The following PPARA variants were observed in gnomAD, a reference collection of about 807,000 sequenced individuals.
PPARA encodes peroxisome proliferator activated receptor alpha, also known as peroxisome proliferator-activated receptor alpha.
Under a neutral mutation model 42.2 loss-of-function variants are expected in PPARA, and 22 were observed. The ratio of observed to expected loss-of-function variants is 0.52; its 90% CI spans 0.37 to 0.74. PPARA has a LOEUF of 0.74. Ranked by LOEUF, PPARA falls within the 30% of genes least tolerant of loss-of-function variation. The pLI is 0.00. For missense variants in PPARA, 465 were observed against 608.2 expected, an observed-to-expected ratio of 0.76 and a Z score of 2.48; for synonymous variants, 242 against 239.3, an observed-to-expected ratio of 1.01 and a Z score of -0.10.
chr22:46,197,017 G>C (rs1317224184), intron 3 of PPARA, among the ~76,000 whole-genome samples: 1 of 151,694 alleles, frequency 6.6e-6, no homozygotes, highest in Non-Finnish European at 1.5e-5. Flanking sequence ...CACTGCACCC[G>C]ACCCTGTTTT....
chr22:46,184,650 T>A lies in PPARA; in HGVS notation c.-43+7814T>A, dbSNP rs192398762. Reference sequence around the variant, plus strand: ...GGCCGAGATTACCTGAGGTCGGAAGTTCAAGACCAGCCTGGCCAATATGGC... The same window carrying A: ...GGCCGAGATTACCTGAGGTCGGAAGATCAAGACCAGCCTGGCCAATATGGC... On this transcript the variant is annotated intron_variant, in intron 3 of 8. Coordinates refer to ENST00000407236, the MANE Select transcript of PPARA (RefSeq NM_005036.6). The surrounding 1 kb of genome is among the most constrained non-coding windows in gnomAD (Gnocchi z 4.4). Among the ~76,000 whole-genome samples, 3 of 152,196 alleles carry A rather than the reference T, an allele frequency of 2.0e-5. No individual in the cohort carries two copies. The highest frequency in any genetic ancestry group is 4.4e-5 in the Non-Finnish European group (3 of 68,000).
At chr22:46,155,429 C>T (rs1186790802) in intron 2 of PPARA, 2 of 152,362 alleles carry the variant, frequency 1.3e-5, no homozygotes, top group African/African-American at 2.4e-5. Flanking sequence ...ATTCTCCTGC[C>T]TCAGTCTCCC....
intron 2 of PPARA, among the ~76,000 whole-genome samples, chr22:46,159,671 G>A (rs1330581552): frequency 2.0e-5 from 3 of 152,178 alleles, no homozygotes; most frequent in East Asian, 3.8e-4. Flanking sequence ...ATTCAGCAAG[G>A]TGTTCTGAAA....
chr22:46,227,087 G>A lies in PPARA; in HGVS notation c.712-4705G>A, dbSNP rs551851613. ...ACCATGTCTTGGGGTGTTGCCTGCC[G>A]TGTGACAGTCCAATATTATACCTAC... On this transcript the variant is annotated intron_variant, in intron 7 of 8. Coordinates refer to ENST00000407236, the MANE Select transcript of PPARA (RefSeq NM_005036.6). This position sits in a 1 kb window ranked among gnomAD's most constrained non-coding sequence, Gnocchi z 4.3. Among the ~76,000 whole-genome samples the A allele has an allele frequency of 4.8e-5, 7 of 144,896 alleles. No individual in the cohort carries two copies. The highest frequency in any genetic ancestry group is 2.0e-4 in the Admixed American group (3 of 14,752).
intron 3 of PPARA, among the ~76,000 whole-genome samples, chr22:46,189,451 T>C (rs1931244186): frequency 6.6e-6 from 1 of 152,232 alleles, no homozygotes; most frequent in Non-Finnish European, 1.5e-5. Flanking sequence ...TTCTTTTGAT[T>C]ACAAAATTTT....
Position 46,233,573 on chromosome 22 carries a change from C to T in PPARA, c.1159+1334C>T, listed in dbSNP as rs1232009208. Among the ~76,000 whole-genome samples, 1 of 152,192 alleles carries T rather than the reference C, an allele frequency of 6.6e-6. No homozygotes were observed. The highest frequency in any genetic ancestry group is 2.4e-5 in the African/African-American group (1 of 41,454). On this transcript the variant is annotated intron_variant, in intron 8 of 8. Coordinates refer to ENST00000407236, the MANE Select transcript of PPARA (RefSeq NM_005036.6). The surrounding 1 kb of genome is among the most constrained non-coding windows in gnomAD (Gnocchi z 7.3). ...ACAAGTCAGATGAAGGAAGTCCTTG[C>T]GCTCTGGCATAAAGTGTACAAAGAC... is the stretch of plus-strand genomic sequence containing the variant.
At chr22:46,214,421 C>G (rs1030159162) in intron 4 of PPARA, among the ~76,000 whole-genome samples, 1 of 149,332 alleles carries the variant, frequency 6.7e-6, no homozygotes, top group Non-Finnish European at 1.5e-5. Context: ...ATGTGCGGAT[C>G]GGAGATGTGG....
At chr22:46,185,852 G>A (rs1388345667) in intron 3 of PPARA, among the ~76,000 whole-genome samples, 2 of 123,434 alleles carry the variant, frequency 1.6e-5, no homozygotes, top group Non-Finnish European at 3.2e-5. Context: ...CCAAGATCAC[G>A]CCACTACACT....
chr22:46,163,029 C>T lies in PPARA; in HGVS notation c.-127+11059C>T, dbSNP rs1926449535. 6.6e-6 allele frequency among the ~76,000 whole-genome samples: 1 copy of T among 152,204 alleles called. No individual in the cohort carries two copies. The highest frequency in any genetic ancestry group is 2.1e-4 in the South Asian group (1 of 4,826). On this transcript the variant is annotated intron_variant, in intron 2 of 8. Transcript: ENST00000407236. The surrounding 1 kb of genome is among the most constrained non-coding windows in gnomAD (Gnocchi z 4.9). ...CACTACCAACCACTGCATCGCATAA[C>T]TGGCAGACTCCCAGCTTCAAGGAGA...
chr22:46,201,641 A>G (rs984081599), intron 4 of PPARA, among the ~76,000 whole-genome samples: 1 of 152,080 alleles, frequency 6.6e-6, no homozygotes, highest in African/African-American at 2.4e-5. Flanking sequence ...CACACACCTC[A>G]CACCTCGGCT....
At chr22:46,153,112 A>T (rs1022623353) in intron 2 of PPARA, among the ~76,000 whole-genome samples, 1 of 151,556 alleles carries the variant, frequency 6.6e-6, no homozygotes, top group African/African-American at 2.4e-5. Flanking sequence ...AATAAAATTA[A>T]TTAACTAATT....
At chr22:46,155,489 A>G (rs777051446) in intron 2 of PPARA, 1 of 151,928 alleles carries the variant, frequency 6.6e-6, no homozygotes. Context: ...TATTTTTTGT[A>G]TTTTTAGTAG....
chr22:46,232,852 T>C lies in PPARA; in HGVS notation c.1159+613T>C, dbSNP rs1935971648. ...AAAAAATTAGTCAAGTATGGTGGCATGTACCTGTAGTCCCAGCTACTTGAG... is the reference window on the plus strand; with the variant it reads ...AAAAAATTAGTCAAGTATGGTGGCACGTACCTGTAGTCCCAGCTACTTGAG... On this transcript the variant is annotated intron_variant, in intron 8 of 8. Transcript: ENST00000407236. This position sits in a 1 kb window ranked among gnomAD's most constrained non-coding sequence, Gnocchi z 5.3. Among the ~76,000 whole-genome samples, 9 of 150,824 alleles carry C rather than the reference T, an allele frequency of 6.0e-5. 1 individual carries two copies. In the South Asian group the frequency reaches 1.9e-3, roughly 32 times the overall value.
At chr22:46,194,762 CG>C (rs1427868607) in intron 3 of PPARA, among the ~76,000 whole-genome samples, 1 of 151,282 alleles carries the variant, frequency 6.6e-6, no homozygotes, top group Non-Finnish European at 1.5e-5. Flanking sequence ...TTAGTAGAGA[CG>C]GGGTTTCACC....
rs1186468867 is a variant in PPARA at position 46,227,746 on chromosome 22, T to C, written c.712-4046T>C. On this transcript the variant is annotated intron_variant, in intron 7 of 8. Coordinates refer to ENST00000407236, the MANE Select transcript of PPARA (RefSeq NM_005036.6). The surrounding 1 kb of genome is among the most constrained non-coding windows in gnomAD (Gnocchi z 4.3). ...TGCCTCACGCTGTTTAAAACCTTTA[T>C]AATGTGCTTTATTTCATTTATTTGA... is the stretch of plus-strand genomic sequence containing the variant. Among the ~76,000 whole-genome samples the C allele has an allele frequency of 6.6e-6, 1 of 152,228 alleles. No individual in the cohort carries two copies. Among genetic ancestry groups the C allele is most frequent in the Non-Finnish European group, 1.5e-5 (1 of 68,044 alleles).
In PPARA at chr22:46,231,124, T is replaced by C. The variant is rs189792069; in HGVS notation, c.712-668T>C. On this transcript the variant is annotated intron_variant, in intron 7 of 8. Coordinates refer to ENST00000407236, the MANE Select transcript of PPARA (RefSeq NM_005036.6). The surrounding 1 kb of genome is among the most constrained non-coding windows in gnomAD (Gnocchi z 7.7). Reference sequence around the variant, plus strand: ...GAGACTGGAGTGCAGTGGCACGATCTTGGCTCACTGCAACGTCCACCTCCC... The same window carrying C: ...GAGACTGGAGTGCAGTGGCACGATCCTGGCTCACTGCAACGTCCACCTCCC... 6.6e-6 allele frequency among the ~76,000 whole-genome samples: 1 copy of C among 152,300 alleles called. No individual in the cohort carries two copies. Among genetic ancestry groups the C allele is most frequent in the East Asian group, 1.9e-4 (1 of 5,186 alleles).
rs1913397661 is a variant in PPARA at position 46,235,074 on chromosome 22, G to C, written c.1160-59G>C. Reference sequence around the variant, plus strand: ...ATAGGCATGTTTGGTTCCTGAAACTGATAAGCAGTTCTTGGGTGATTATCA... The same window carrying C: ...ATAGGCATGTTTGGTTCCTGAAACTCATAAGCAGTTCTTGGGTGATTATCA... On this transcript the variant is annotated intron_variant, in intron 8 of 8. Coordinates refer to ENST00000407236, the MANE Select transcript of PPARA (RefSeq NM_005036.6). The surrounding 1 kb of genome is among the most constrained non-coding windows in gnomAD (Gnocchi z 7.0). 1 of 1,610,288 alleles carries C rather than the reference G, an allele frequency of 6.2e-7. No individual in the cohort carries two copies. The highest frequency in any genetic ancestry group is 1.3e-5 in the African/African-American group (1 of 74,814).
intron 3 of PPARA, among the ~76,000 whole-genome samples, 163 bp downstream of exon 3, chr22:46,176,999 A>G (rs1347484045): frequency 1.3e-5 from 2 of 152,196 alleles, no homozygotes; most frequent in African/African-American, 4.8e-5. Flanking sequence ...TCACGAGGTT[A>G]GGAGATTGAG....
chr22:46,215,318 G>T lies in PPARA; in HGVS notation c.354G>T (p.Ala118=). 1.2e-6 allele frequency: 2 copies of T among 1,614,134 alleles called. No individual in the cohort carries two copies. Among genetic ancestry groups the T allele is most frequent in the Non-Finnish European group, 1.7e-6 (2 of 1,180,022 alleles). ...KASGYHYGVH[A]CEGCKGFFRR... ...CAGGCTATCATTACGGAGTCCACGC[G>T]TGTGAAGGCTGCAAGGTAGAGGGGA... is the stretch of plus-strand genomic sequence containing the variant. The change falls in exon 5 of 9, where the codon GCG becomes GCT. Residue 118 remains alanine, a synonymous_variant. Transcript: ENST00000407236.
Sources: allele counts gnomAD v4.1 joint callset (sites outside exome capture counted in the v4.1 genomes callset), GRCh38; gene constraint gnomAD v4.1.1; non-coding constraint Gnocchi (gnomAD v3.1); transcripts MANE v1.5; gene names NCBI Gene and HGNC (gene_info 2026-07-23, HGNC 2026-07-21).